Variants in COL14A1 observed in about 807,000 individuals in gnomAD.
The protein encoded by COL14A1 is collagen alpha-1(XIV) chain.
A neutral mutation model predicts 230.3 loss-of-function variants in COL14A1; 136 were observed. The observed-to-expected ratio is 0.59, with a 90% CI of 0.51 to 0.68. The LOEUF (loss-of-function observed/expected upper bound fraction) is 0.68. Among genes scored for constraint, COL14A1 ranks in the 30% least tolerant of loss-of-function variants. The pLI is 0.00. For synonymous variants in COL14A1, 792 were observed against 784.1 expected, an observed-to-expected ratio of 1.01 and a Z score of -0.17; for missense variants, 1,976 against 2,215.8, an observed-to-expected ratio of 0.89 and a Z score of 2.17.
chr8:120,233,443 C>T (rs1222036156), intron 19 of COL14A1, among the ~76,000 whole-genome samples: 5 of 144,738 alleles, frequency 3.5e-5, no homozygotes, highest in Non-Finnish European at 7.5e-5. Context: ...ATTTTTGAAA[C>T]ATGCGGTGTT....
At position 120,326,183 on chromosome 8, in the gene COL14A1, G is replaced by A. The variant is rs532047448; in HGVS notation, c.4660-5958G>A. 1.3e-4 allele frequency among the ~76,000 whole-genome samples: 20 copies of A among 152,290 alleles called. No individual in the cohort carries two copies. The South Asian group carries it at 4.1e-3, about 32-fold the overall frequency. ...TAACATGCAGTGGTGTGTGAATAGG[G>A]AGACTCATGCCATGGACCCAACCAT... On this transcript the variant is annotated intron_variant, in intron 40 of 47. Coordinates refer to ENST00000297848, the MANE Select transcript of COL14A1 (RefSeq NM_021110.4).
intron 28 of COL14A1, among the ~76,000 whole-genome samples, chr8:120,279,265 T>C (rs574925031): frequency 6.6e-6 from 1 of 152,146 alleles, no homozygotes; most frequent in African/African-American, 2.4e-5. Context: ...CGTATACCTA[T>C]GTAAAAAACC....
chr8:120,283,422 A>G (rs187190781), intron 31 of COL14A1, among the ~76,000 whole-genome samples: 11 of 152,338 alleles, frequency 7.2e-5, no homozygotes, highest in African/African-American at 2.6e-4. Context: ...GAAAATGACT[A>G]TTAAATGGTG....
At chr8:120,176,838 T>C (rs1700240039) in intron 5 of COL14A1, among the ~76,000 whole-genome samples, 1 of 152,192 alleles carries the variant, frequency 6.6e-6, no homozygotes. Context: ...TTTCCCAGTT[T>C]TCTCCTCCTC....
chr8:120,329,337 A>G lies in COL14A1; in HGVS notation c.4660-2804A>G, dbSNP rs958427078. 2.0e-5 allele frequency among the ~76,000 whole-genome samples: 3 copies of G among 152,102 alleles called. No individual in the cohort carries two copies. The East Asian group carries it at 5.8e-4, about 29-fold the overall frequency. On this transcript the variant is annotated intron_variant, in intron 40 of 47. Transcript: ENST00000297848. Reference sequence around the variant, plus strand: ...TAACATAATTTATTGGCTGGGTGCAATGCTCATGCCTTTAATCCCAGCACT... The same window carrying G: ...TAACATAATTTATTGGCTGGGTGCAGTGCTCATGCCTTTAATCCCAGCACT...
intron 40 of COL14A1, among the ~76,000 whole-genome samples, chr8:120,316,387 A>T (rs1821235878): frequency 6.6e-6 from 1 of 152,220 alleles, no homozygotes; most frequent in African/African-American, 2.4e-5. Context: ...AGTATGGCTT[A>T]CATGGCAATC....
rs1818683105 is a variant in COL14A1 at position 120,243,868 on chromosome 8, T to C, written c.2350-11T>C. 6.2e-7 allele frequency: 1 copy of C among 1,612,010 alleles called. No individual in the cohort carries two copies. Among genetic ancestry groups the C allele is most frequent in the East Asian group, 2.2e-5 (1 of 44,794 alleles). ...CTCACTAAGACTGCAGTCCTTTGCTTTTTTGTTCAGGTTATGGTGCCTGGA... is the reference window on the plus strand; with the variant it reads ...CTCACTAAGACTGCAGTCCTTTGCTCTTTTGTTCAGGTTATGGTGCCTGGA... On this transcript the variant is annotated splice_polypyrimidine_tract_variant and intron_variant, in intron 19 of 47. Transcript: ENST00000297848.
intron 38 of COL14A1, among the ~76,000 whole-genome samples, chr8:120,314,412 A>G (rs1821142799): frequency 6.6e-5 from 10 of 152,260 alleles, no homozygotes; most frequent in Admixed American, 6.5e-4. Flanking sequence ...ATATAAATTA[A>G]TAAAAGCCAT....
At chr8:120,159,412 C>T (rs1006629142) in intron 3 of COL14A1, among the ~76,000 whole-genome samples, 1 of 152,084 alleles carries the variant, frequency 6.6e-6, no homozygotes, top group Admixed American at 6.5e-5. Context: ...TCACACAGTA[C>T]ATAATAAGTA....
intron 23 of COL14A1, among the ~76,000 whole-genome samples, chr8:120,256,993 A>G (rs1374468830): frequency 6.6e-6 from 1 of 152,246 alleles, no homozygotes; most frequent in South Asian, 2.1e-4. Context: ...CAATGGAATC[A>G]ATAAGATTCA....
intron 5 of COL14A1, among the ~76,000 whole-genome samples, chr8:120,192,481 T>C (rs1177161875): frequency 1.3e-5 from 2 of 152,170 alleles, no homozygotes; most frequent in Non-Finnish European, 2.9e-5. Context: ...CCTTAACATT[T>C]TTTCCTTCAT....
At chr8:120,302,944 G>C (rs1820761148) in intron 36 of COL14A1, among the ~76,000 whole-genome samples, 1 of 152,094 alleles carries the variant, frequency 6.6e-6, no homozygotes, top group African/African-American at 2.4e-5. Context: ...TCATTGTAGA[G>C]ATCTTTCAGC....
intron 45 of COL14A1, among the ~76,000 whole-genome samples, chr8:120,356,131 A>G (rs1203267122): frequency 6.6e-6 from 1 of 152,244 alleles, no homozygotes; most frequent in East Asian, 1.9e-4. Flanking sequence ...TAGAATATAA[A>G]TGGTTTCAGA....
chr8:120,143,866 C>T (rs537995336), intron 1 of COL14A1, among the ~76,000 whole-genome samples: 271 of 151,668 alleles, frequency 1.8e-3, no homozygotes, highest in African/African-American at 6.3e-3. Context: ...CTTAAAATAT[C>T]ATTGTAATAA....
At chr8:120,332,283 A>G (rs1387984343) in intron 41 of COL14A1, 89 bp downstream of exon 41, 1 of 1,255,678 alleles carries the variant, frequency 8.0e-7, no homozygotes, top group Non-Finnish European at 1.2e-6. Context: ...ATCTTTTACC[A>G]GCAGCCGTCT....
intron 43 of COL14A1, 128 bp downstream of exon 43, chr8:120,341,488 C>T (rs1586880895): frequency 8.7e-6 from 9 of 1,039,546 alleles, no homozygotes; most frequent in Non-Finnish European, 1.3e-5. Context: ...CTGTTTCTCC[C>T]TTTCCCCAAT....
intron 34 of COL14A1, among the ~76,000 whole-genome samples, chr8:120,296,641 A>G (rs996331883): frequency 6.6e-6 from 1 of 151,964 alleles, no homozygotes; most frequent in Non-Finnish European, 1.5e-5. Flanking sequence ...AATATTTGAA[A>G]ATAATGTAGG....
chr8:120,308,274 G>T (rs533629649), intron 36 of COL14A1, among the ~76,000 whole-genome samples: 2 of 152,338 alleles, frequency 1.3e-5, no homozygotes, highest in Admixed American at 6.5e-5. Flanking sequence ...GAGCCAGTGC[G>T]CCCAGCCTGA....
Position 120,255,227 on chromosome 8 carries a change from T to C in COL14A1, c.2753-13T>C. ...CTGCGGTGTGATACAGTTATGTTTC[T>C]ATTTCATTCCAGTGTTCTTGGGTGT... On this transcript the variant is annotated splice_polypyrimidine_tract_variant and intron_variant, in intron 22 of 47. Coordinates refer to ENST00000297848, the MANE Select transcript of COL14A1 (RefSeq NM_021110.4). 6.3e-7 allele frequency: 1 copy of C among 1,598,184 alleles called. No individual in the cohort carries two copies. The highest frequency in any genetic ancestry group is 8.6e-7 in the Non-Finnish European group (1 of 1,165,370).
Sources: allele counts gnomAD v4.1 joint callset (sites outside exome capture counted in the v4.1 genomes callset), GRCh38; gene constraint gnomAD v4.1.1; transcripts MANE v1.5; gene names NCBI Gene and HGNC (gene_info 2026-07-23, HGNC 2026-07-21).